The following ZNF609 variants were observed in gnomAD, a reference collection of about 807,000 sequenced individuals.
ZNF609 encodes zinc finger protein 609.
In ZNF609, 11 loss-of-function variants were observed where a neutral mutation model predicts 109.5. The observed-to-expected ratio is 0.10, with a 90% CI of 0.06 to 0.17. The LOEUF is 0.17. Ranked by LOEUF, ZNF609 falls within the 10% of genes least tolerant of loss-of-function variation. ZNF609 has a pLI of 1.00. For missense variants in ZNF609, 1,559 were observed against 1,772.4 expected (o/e 0.88, Z 2.16); for synonymous variants, 646 against 662.0 (o/e 0.98, Z 0.37).
intron 3 of ZNF609, among the ~76,000 whole-genome samples, chr15:64,659,984 G>A (rs1162774298): frequency 4.0e-5 from 6 of 151,728 alleles, no homozygotes; most frequent in African/African-American, 1.2e-4. Flanking sequence ...ACAAGTGCAC[G>A]CCACCATGCT....
chr15:64,590,913 A>T (rs1256566200), intron 2 of ZNF609, among the ~76,000 whole-genome samples: 1 of 152,206 alleles, frequency 6.6e-6, no homozygotes, highest in African/African-American at 2.4e-5. Flanking sequence ...AAAACTTTGT[A>T]CATTTCTGAT....
chr15:64,577,071 T>TACACATAAATATATATGTATATATAC (rs199907777), intron 2 of ZNF609, among the ~76,000 whole-genome samples: 2 of 47,734 alleles, frequency 4.2e-5, no homozygotes, highest in South Asian at 4.3e-4. Flanking sequence ...TATGTATATA[T>TACACATAAATATATATGTATATATAC]ACACAAATAT....
intron 1 of ZNF609, among the ~76,000 whole-genome samples, chr15:64,490,064 TA>T (rs879271484): frequency 3.9e-5 from 6 of 152,184 alleles, no homozygotes; most frequent in Non-Finnish European, 8.8e-5. Flanking sequence ...GCTCAACAGA[TA>T]ATCCCATCTC....
At position 64,680,357 on chromosome 15, in the gene ZNF609, C is replaced by A. The variant is rs1378937673; in HGVS notation, c.3942C>A (p.Pro1314=). The A allele has an allele frequency of 6.2e-7, 1 of 1,614,008 alleles. No individual in the cohort carries two copies. Among genetic ancestry groups the A allele is most frequent in the East Asian group, 2.2e-5 (1 of 44,880 alleles). Residue 1314 remains proline (P), a synonymous_variant, in exon 7 of 10, where the codon CCC becomes CCA. Transcript: ENST00000326648. ...QHASHYKSKS[P]TISDKTSQER... ...CCAGTCACTACAAGAGCAAGTCTCC[C>A]ACGGTAAGAAAAGTACAGTGATGCT...
chr15:64,608,116 C>T (rs1008540629), intron 2 of ZNF609, among the ~76,000 whole-genome samples: 4 of 151,324 alleles, frequency 2.6e-5, no homozygotes, highest in Admixed American at 6.6e-5. Context: ...AGGCTAGTCT[C>T]GAACTCCTGA....
intron 2 of ZNF609, among the ~76,000 whole-genome samples, chr15:64,575,565 G>A (rs116247202): frequency 0.013 from 1,976 of 152,252 alleles, 33 homozygotes; most frequent in African/African-American, 0.046. Flanking sequence ...TTTTCTTAGG[G>A]AGGTCAACGT....
intron 2 of ZNF609, among the ~76,000 whole-genome samples, chr15:64,562,261 G>T (rs536193997): frequency 1.6e-4 from 24 of 152,300 alleles, no homozygotes; most frequent in African/African-American, 5.5e-4. Context: ...TAAATTCACT[G>T]TAATTAGTAA....
intron 2 of ZNF609, among the ~76,000 whole-genome samples, chr15:64,569,045 T>C (rs536244319): frequency 1.2e-4 from 18 of 152,220 alleles, no homozygotes; most frequent in Non-Finnish European, 1.6e-4. Context: ...TATGTATATA[T>C]GTGGCTTTTT....
intron 2 of ZNF609, among the ~76,000 whole-genome samples, chr15:64,505,319 A>G (rs1355805977): frequency 1.6e-5 from 1 of 63,978 alleles, no homozygotes; most frequent in Non-Finnish European, 4.5e-5. Flanking sequence ...TTACTTGGCA[A>G]TTGCAGGTAA....
chr15:64,463,556 G>C (rs1892973105), intron 1 of ZNF609, among the ~76,000 whole-genome samples: 1 of 152,188 alleles, frequency 6.6e-6, no homozygotes, highest in Non-Finnish European at 1.5e-5. Context: ...ATTTCCCATA[G>C]GATAGTGTTG....
At chr15:64,491,747 AG>A (rs1893416227) in intron 1 of ZNF609, among the ~76,000 whole-genome samples, 1 of 152,176 alleles carries the variant, frequency 6.6e-6, no homozygotes, top group Non-Finnish European at 1.5e-5. Flanking sequence ...CGGGAGGCTG[AG>A]GCAGAAGAAT....
intron 2 of ZNF609, among the ~76,000 whole-genome samples, chr15:64,614,391 G>A (rs139046609): frequency 3.2e-4 from 48 of 152,062 alleles, no homozygotes; most frequent in African/African-American, 1.0e-3. Flanking sequence ...CACAATGCCC[G>A]GCTATTTTTT....
At chr15:64,644,403 A>C (rs1253310786) in intron 3 of ZNF609, among the ~76,000 whole-genome samples, 1 of 152,198 alleles carries the variant, frequency 6.6e-6, no homozygotes, top group Admixed American at 6.5e-5. Flanking sequence ...AGGGAGGATC[A>C]CTTGAGCCAA....
At chr15:64,653,230 A>G (rs138530659) in intron 3 of ZNF609, among the ~76,000 whole-genome samples, 4 of 152,216 alleles carry the variant, frequency 2.6e-5, no homozygotes, top group Non-Finnish European at 5.9e-5. Flanking sequence ...CCTTAGACAG[A>G]TTAGGATATT....
intron 2 of ZNF609, among the ~76,000 whole-genome samples, chr15:64,560,170 C>T (rs991596785): frequency 6.6e-6 from 1 of 152,040 alleles, no homozygotes; most frequent in Non-Finnish European, 1.5e-5. Flanking sequence ...CTCAGCCTCC[C>T]GAGTAGCTGG....
At chr15:64,539,991 C>T (rs1280453960) in intron 2 of ZNF609, among the ~76,000 whole-genome samples, 2 of 152,148 alleles carry the variant, frequency 1.3e-5, no homozygotes, top group Non-Finnish European at 2.9e-5. Context: ...AGGCTGGTCT[C>T]GCACTCTTGG....
At chr15:64,461,834 TC>T (rs1185343456) in intron 1 of ZNF609, among the ~76,000 whole-genome samples, 1 of 152,178 alleles carries the variant, frequency 6.6e-6, no homozygotes, top group Non-Finnish European at 1.5e-5. Context: ...CCTACAGGCC[TC>T]CCTTTTCTGT....
chr15:64,517,510 T>G (rs1774603456), intron 2 of ZNF609, among the ~76,000 whole-genome samples: 1 of 152,194 alleles, frequency 6.6e-6, no homozygotes, highest in African/African-American at 2.4e-5. Context: ...TGGATACTCA[T>G]TCAGTTCATC....
chr15:64,483,635 C>A (rs574205), intron 1 of ZNF609, among the ~76,000 whole-genome samples: 112,804 of 152,016 alleles, frequency 0.74, 45,408 homozygotes, highest in East Asian at 0.96. Context: ...ACCCTCCCAC[C>A]TTGGCCTCCC....
Sources: allele counts gnomAD v4.1 joint callset (sites outside exome capture counted in the v4.1 genomes callset), GRCh38; gene constraint gnomAD v4.1.1; transcripts MANE v1.5; gene names NCBI Gene and HGNC (gene_info 2026-07-23, HGNC 2026-07-21).